ZNF248: variants seen among roughly 807,000 people sequenced by gnomAD.
ZNF248 encodes zinc finger protein 248.
Under a neutral mutation model 44.3 loss-of-function variants are expected in ZNF248, and 20 were observed. That is an observed-to-expected ratio of 0.45 (90% confidence interval 0.32 to 0.66). The LOEUF is 0.66. ZNF248 is among the 30% of genes least tolerant of loss of function. ZNF248 has a pLI of 0.04. For synonymous variants in ZNF248, 224 were observed against 229.0 expected (o/e 0.98, Z 0.20); for missense variants, 654 against 677.0 (o/e 0.97, Z 0.38).
At chr10:37,797,801 C>G (rs892139160) in intron 6 of ZNF248, among the ~76,000 whole-genome samples, 1 of 151,964 alleles carries the variant, frequency 6.6e-6, no homozygotes. Flanking sequence ...AAAGATGGAC[C>G]AAAAACAAGT....
At chr10:37,793,359 CTTTT>C (rs1039703310) in intron 6 of ZNF248, among the ~76,000 whole-genome samples, 3 of 151,966 alleles carry the variant, frequency 2.0e-5, no homozygotes, top group Admixed American at 2.0e-4. Flanking sequence ...AAAAATAAAA[CTTTT>C]ATTTCAATAA....
At chr10:37,770,305 C>T in the ZNF248 span, among the ~76,000 whole-genome samples, 8 of 152,096 alleles carry the variant, frequency 5.3e-5, no homozygotes, top group Admixed American at 1.3e-4. Context: ...AAAAAGAGCC[C>T]GCATCGCCAA....
At position 37,806,684 on chromosome 10, in the gene ZNF248, G is replaced by A. The variant is rs2050611670; in HGVS notation, c.330+26341C>T. Reference sequence around the variant, plus strand: ...TTTTGCAAACATTTTTTCCCATTTTGTGTGTTGCCTTTTCATTCTGTTGAT... The same window carrying A: ...TTTTGCAAACATTTTTTCCCATTTTATGTGTTGCCTTTTCATTCTGTTGAT... On this transcript the variant is annotated intron_variant, in intron 6 of 6. Transcript: ENST00000615949. 3.3e-5 allele frequency among the ~76,000 whole-genome samples: 5 copies of A among 151,698 alleles called. No individual in the cohort carries two copies. In the South Asian group the frequency reaches 8.3e-4, roughly 25 times the overall value.
At position 37,857,184 on chromosome 10, in the gene ZNF248, CCT is replaced by C. The variant is rs2061452145; in HGVS notation, c.-127_-126del. Reference sequence around the variant, plus strand: ...GCGCCCACCCCTCAGCTCCAGCTCACCTCTCTCTTCTTAAATTTGTCCCAGAC... The same window carrying C: ...GCGCCCACCCCTCAGCTCCAGCTCACCTCTCTTCTTAAATTTGTCCCAGAC... On this transcript the variant is annotated splice_region_variant and 5_prime_UTR_variant, in exon 1 of 6. Transcript: ENST00000395867. The C allele has an allele frequency of 6.5e-6, 1 of 153,538 alleles. No individual in the cohort carries two copies. The highest frequency in any genetic ancestry group is 1.5e-5 in the Non-Finnish European group (1 of 68,920). The allele number at this position is 153,538 out of a possible 1,614,324, so 9.5% of individuals were successfully genotyped here.
intron 3 of ZNF248, among the ~76,000 whole-genome samples, chr10:37,852,035 GTTGGGAGT>G (rs2060349221): frequency 6.6e-6 from 1 of 152,012 alleles, no homozygotes; most frequent in Non-Finnish European, 1.5e-5. Context: ...ATCATCTGAG[GTTGGGAGT>G]TTGAGACCAG....
intron 5 of ZNF248, among the ~76,000 whole-genome samples, chr10:37,835,596 G>A (rs992480571): frequency 1.3e-5 from 2 of 152,110 alleles, no homozygotes; most frequent in African/African-American, 2.4e-5. Context: ...AGTTTTTGAA[G>A]GGAAAAAGCT....
the ZNF248 span, among the ~76,000 whole-genome samples, chr10:37,765,919 C>G: frequency 6.6e-6 from 1 of 152,240 alleles, no homozygotes; most frequent in Non-Finnish European, 1.5e-5. Flanking sequence ...TAATACTGCA[C>G]TTTTCCAACG....
intron 6 of ZNF248, among the ~76,000 whole-genome samples, chr10:37,802,027 A>G (rs1452181278): frequency 1.3e-5 from 2 of 152,206 alleles, no homozygotes; most frequent in Non-Finnish European, 2.9e-5. Context: ...AGCTTCGATA[A>G]TCTGGGACAT....
At position 37,842,192 on chromosome 10, in the gene ZNF248, A is replaced by C. The variant is rs189375562; in HGVS notation, c.16-4081T>G. On this transcript the variant is annotated intron_variant, in intron 3 of 5. Coordinates refer to ENST00000395867, the MANE Select transcript of ZNF248 (RefSeq NM_021045.3). ...TTTCCATAAATCTAAAACTCTCCTA[A>C]AGCAGAAAGTTTATATAATAAGAAA... Among the ~76,000 whole-genome samples the C allele has an allele frequency of 2.6e-5, 4 of 152,262 alleles. No individual in the cohort carries two copies. In the East Asian group the frequency reaches 7.7e-4, roughly 29 times the overall value.
intron 6 of ZNF248, among the ~76,000 whole-genome samples, chr10:37,815,444 C>A (rs1249165531): frequency 6.6e-6 from 1 of 151,962 alleles, no homozygotes; most frequent in Non-Finnish European, 1.5e-5. Context: ...CTCAAATATG[C>A]TTTTAAATCC....
intron 3 of ZNF248, among the ~76,000 whole-genome samples, chr10:37,853,513 G>A (rs896268313): frequency 6.6e-6 from 1 of 152,066 alleles, no homozygotes; most frequent in Non-Finnish European, 1.5e-5. Context: ...GAGTAGCTGG[G>A]ACTACAGGCG....
the ZNF248 span, among the ~76,000 whole-genome samples, chr10:37,771,324 T>A: frequency 1.8e-3 from 279 of 152,236 alleles, 1 homozygote; most frequent in Middle Eastern, 6.8e-3. Flanking sequence ...CATGCACACG[T>A]ATGTTTATTG....
chr10:37,777,557 A>G (rs1384387253), intron 6 of ZNF248, among the ~76,000 whole-genome samples: 2 of 146,792 alleles, frequency 1.4e-5, no homozygotes, highest in South Asian at 4.3e-4. Flanking sequence ...TTTTTCAATT[A>G]AAGTTTTAGG....
the ZNF248 span, among the ~76,000 whole-genome samples, chr10:37,761,892 T>C: frequency 7.9e-5 from 12 of 152,340 alleles, no homozygotes; most frequent in Admixed American, 5.2e-4. Context: ...ATTTACCTGC[T>C]AGAGACCATC....
At chr10:37,835,804 T>G (rs1160246674) in intron 5 of ZNF248, among the ~76,000 whole-genome samples, 4 of 152,230 alleles carry the variant, frequency 2.6e-5, no homozygotes, top group African/African-American at 9.6e-5. Context: ...CTTGAAGATC[T>G]CATTCTGCCT....
chr10:37,814,677 T>C (rs934670025), intron 6 of ZNF248, among the ~76,000 whole-genome samples: 1 of 152,204 alleles, frequency 6.6e-6, no homozygotes, highest in African/African-American at 2.4e-5. Context: ...GACAGATTTG[T>C]TTTTCCCTTC....
chr10:37,809,170 C>A (rs962639480), intron 6 of ZNF248, among the ~76,000 whole-genome samples: 2 of 152,076 alleles, frequency 1.3e-5, no homozygotes, highest in Non-Finnish European at 2.9e-5. Context: ...TTCAAACAAC[C>A]AATTCTTGGT....
In ZNF248 at chr10:37,830,102, G is replaced by A. The variant is rs2055222461; in HGVS notation, c.*1513C>T. On this transcript the variant is annotated 3_prime_UTR_variant, in exon 6 of 6. Coordinates refer to ENST00000395867, the MANE Select transcript of ZNF248 (RefSeq NM_021045.3). ...GCAGAACTAGTGTTACATAGACCGT[G>A]CCCAAACAGATACACAATGAAAAAT... 1.0e-6 allele frequency: 1 copy of A among 985,370 alleles called. No homozygotes were observed. Among genetic ancestry groups the A allele is most frequent in the Non-Finnish European group, 1.2e-6 (1 of 829,926 alleles). 61.0% of individuals were successfully genotyped at this position (985,370 alleles called of 1,614,324 possible).
intron 5 of ZNF248, among the ~76,000 whole-genome samples, chr10:37,835,069 A>G (rs182713335): frequency 6.6e-6 from 1 of 152,312 alleles, no homozygotes. Context: ...TTTATTAATA[A>G]GCAGCAACTT....
Sources: allele counts gnomAD v4.1 joint callset (sites outside exome capture counted in the v4.1 genomes callset), GRCh38; gene constraint gnomAD v4.1.1; transcripts MANE v1.5; gene names NCBI Gene and HGNC (gene_info 2026-07-23, HGNC 2026-07-21).